TNFSF4: variants seen among roughly 807,000 people sequenced by gnomAD.
TNFSF4 encodes tumor necrosis factor ligand superfamily member 4.
TNFSF4 carries 4 observed loss-of-function variants against 7.3 expected under a neutral mutation model. The ratio of observed to expected loss-of-function variants is 0.55; its 90% CI spans 0.27 to 1.25. The LOEUF is 1.25. Ranked by LOEUF, TNFSF4 falls within the 50% of genes most tolerant of loss-of-function variation. The probability of loss-of-function intolerance (pLI) is 0.12; values close to 1 mark genes in which losing one functional copy is unlikely to be tolerated. For synonymous variants in TNFSF4, 76 were observed against 83.7 expected, an observed-to-expected ratio of 0.91 and a Z score of 0.50; for missense variants, 181 against 208.8, an observed-to-expected ratio of 0.87 and a Z score of 0.82.
At chr1:173,271,994 C>T in the TNFSF4 span, among the ~76,000 whole-genome samples, 1 of 152,106 alleles carries the variant, frequency 6.6e-6, no homozygotes, top group Non-Finnish European at 1.5e-5. Flanking sequence ...GTGGCACATA[C>T]ACACCATGGA....
chr1:173,307,754 C>T, the TNFSF4 span, among the ~76,000 whole-genome samples: 18 of 151,892 alleles, frequency 1.2e-4, no homozygotes, highest in Admixed American at 1.1e-3. Context: ...CACACACACA[C>T]GTGAGTCTGG....
chr1:173,340,323 T>TACACACAC, the TNFSF4 span, among the ~76,000 whole-genome samples: 10 of 135,758 alleles, frequency 7.4e-5, no homozygotes, highest in African/African-American at 2.8e-4. Flanking sequence ...CTAATCTGTT[T>TACACACAC]ACACACACAC....
At chr1:173,188,221 CCTAA>C (rs146744267) in intron 2 of TNFSF4, among the ~76,000 whole-genome samples, 86 of 152,236 alleles carry the variant, frequency 5.6e-4, no homozygotes, top group African/African-American at 2.0e-3. Flanking sequence ...CCTTAGTTTC[CCTAA>C]CTAAGAAATG....
At chr1:173,448,290 C>G in the TNFSF4 span, among the ~76,000 whole-genome samples, 1 of 152,124 alleles carries the variant, frequency 6.6e-6, no homozygotes, top group African/African-American at 2.4e-5. Context: ...AAACACTCTA[C>G]CCAACAAAGG....
the TNFSF4 span, among the ~76,000 whole-genome samples, chr1:173,270,004 G>A: frequency 2.6e-5 from 4 of 152,068 alleles, no homozygotes; most frequent in African/African-American, 9.7e-5. Context: ...GCTAAGAAGG[G>A]GTCAGACTGT....
upstream of TNFSF4, among the ~76,000 whole-genome samples, chr1:173,211,339 T>C (rs1342799159): frequency 1.3e-5 from 2 of 152,242 alleles, no homozygotes; most frequent in African/African-American, 2.4e-5. Flanking sequence ...TCCTGGTTAA[T>C]GTTTTTGTAC....
At chr1:173,219,775 T>A in the TNFSF4 span, among the ~76,000 whole-genome samples, 3 of 152,276 alleles carry the variant, frequency 2.0e-5, no homozygotes, top group African/African-American at 7.2e-5. Context: ...GAGGCCATTA[T>A]TATAAGTGAA....
chr1:173,421,596 C>A, the TNFSF4 span, among the ~76,000 whole-genome samples: 1 of 152,096 alleles, frequency 6.6e-6, no homozygotes, highest in African/African-American at 2.4e-5. Flanking sequence ...TTCTTCCCAG[C>A]CAAGAAAGAG....
At chr1:173,410,620 C>T in the TNFSF4 span, among the ~76,000 whole-genome samples, 1 of 152,146 alleles carries the variant, frequency 6.6e-6, no homozygotes, top group Non-Finnish European at 1.5e-5. Flanking sequence ...ATAGGAAGCC[C>T]CCAGTGGTAC....
chr1:173,376,707 T>A, the TNFSF4 span, among the ~76,000 whole-genome samples: 47 of 151,736 alleles, frequency 3.1e-4, 1 homozygote, highest in East Asian at 9.1e-3. Context: ...ATGGGTGGGG[T>A]GAAATAAGGG....
chr1:173,302,309 AAG>A, the TNFSF4 span, among the ~76,000 whole-genome samples: 1 of 151,942 alleles, frequency 6.6e-6, no homozygotes, highest in East Asian at 1.9e-4. Flanking sequence ...ACAGAAGAAA[AAG>A]AGTTATTTTA....
chr1:173,443,682 G>A, the TNFSF4 span, among the ~76,000 whole-genome samples: 1 of 152,222 alleles, frequency 6.6e-6, no homozygotes, highest in South Asian at 2.1e-4. Flanking sequence ...CTTTTTTGGA[G>A]TCTTCATGGG....
At chr1:173,361,160 T>C in the TNFSF4 span, among the ~76,000 whole-genome samples, 1 of 152,214 alleles carries the variant, frequency 6.6e-6, no homozygotes, top group Admixed American at 6.5e-5. Flanking sequence ...TAACACCAGA[T>C]GTTTGTTAAA....
chr1:173,370,771 G>A, the TNFSF4 span, among the ~76,000 whole-genome samples: 1 of 151,038 alleles, frequency 6.6e-6, no homozygotes. Flanking sequence ...AAAAGGAAAA[G>A]TGAGATCAGA....
chr1:173,231,030 G>T, the TNFSF4 span, among the ~76,000 whole-genome samples: 2 of 152,166 alleles, frequency 1.3e-5, no homozygotes, highest in African/African-American at 4.8e-5. Context: ...GGATGAGCTG[G>T]TACCATTCCT....
chr1:173,374,404 C>A, the TNFSF4 span, among the ~76,000 whole-genome samples: 8 of 152,210 alleles, frequency 5.3e-5, no homozygotes, highest in South Asian at 1.0e-3. Context: ...ACCCCCACTG[C>A]AGTTAAGGTG....
At chr1:173,207,720 A>C (rs1650251477), upstream of TNFSF4, among the ~76,000 whole-genome samples, 1 of 152,206 alleles carries the variant, frequency 6.6e-6, no homozygotes, top group Admixed American at 6.5e-5. Context: ...CCCCTCTCAC[A>C]GATTCAGAAA....
the TNFSF4 span, among the ~76,000 whole-genome samples, chr1:173,376,129 C>T: frequency 6.6e-6 from 1 of 152,274 alleles, no homozygotes; most frequent in African/African-American, 2.4e-5. Context: ...TATGAATACC[C>T]ATGCATGTGC....
the TNFSF4 span, among the ~76,000 whole-genome samples, chr1:173,341,249 A>C: frequency 6.6e-6 from 1 of 152,196 alleles, no homozygotes; most frequent in Non-Finnish European, 1.5e-5. Context: ...AACAGAAGAA[A>C]TACCTTTCCT....
Sources: gnomAD v4.1 joint callset for allele counts (sites outside exome capture counted in the v4.1 genomes callset) on GRCh38, gnomAD v4.1.1 for gene constraint, MANE v1.5 for transcripts, NCBI Gene and HGNC (gene_info 2026-07-23, HGNC 2026-07-21) for gene names.